HPGDS: variants seen among roughly 807,000 people sequenced by gnomAD.
The protein encoded by HPGDS is GST class-sigma.
A neutral mutation model predicts 23.1 loss-of-function variants in HPGDS; 26 were observed. The observed-to-expected ratio is 1.13, with a 90% CI of 0.83 to 1.56. The LOEUF (loss-of-function observed/expected upper bound fraction) is 1.56. Among genes scored for constraint, HPGDS ranks in the 40% most tolerant of loss-of-function variants. The pLI, the probability that HPGDS is intolerant of heterozygous loss-of-function variation, is 0.00. For synonymous variants in HPGDS, 95 were observed against 77.9 expected, an observed-to-expected ratio of 1.22 and a Z score of -1.16; for missense variants, 268 against 236.4, an observed-to-expected ratio of 1.13 and a Z score of -0.88.
At chr4:94,308,004 T>C (rs1756171068) in intron 4 of HPGDS, among the ~76,000 whole-genome samples, 1 of 152,122 alleles carries the variant, frequency 6.6e-6, no homozygotes. Flanking sequence ...TCCAACATGC[T>C]TGGGAACAGA....
intron 3 of HPGDS, among the ~76,000 whole-genome samples, chr4:94,312,503 A>G (rs1324817231): frequency 6.6e-6 from 1 of 152,142 alleles, no homozygotes; most frequent in Non-Finnish European, 1.5e-5. Context: ...GGTCTGAGAG[A>G]CAGTTTGTTG....
chr4:94,336,504 C>T (rs913399121), intron 1 of HPGDS, among the ~76,000 whole-genome samples: 4 of 152,186 alleles, frequency 2.6e-5, no homozygotes, highest in Non-Finnish European at 4.4e-5. Context: ...CATTCCTGCC[C>T]AGTTTGCATC....
At chr4:94,329,334 C>A (rs771718394) in intron 2 of HPGDS, among the ~76,000 whole-genome samples, 15 of 152,070 alleles carry the variant, frequency 9.9e-5, no homozygotes, top group Non-Finnish European at 1.8e-4. Context: ...CACTTGGAAC[C>A]CTTGCTCAGC....
intron 3 of HPGDS, among the ~76,000 whole-genome samples, chr4:94,310,651 G>C (rs1460795885): frequency 1.3e-5 from 2 of 152,080 alleles, no homozygotes; most frequent in Non-Finnish European, 2.9e-5. Flanking sequence ...CTTTAAAGTA[G>C]TTTTTTTCCA....
At chr4:94,305,303 A>G (rs1756119472) in intron 4 of HPGDS, among the ~76,000 whole-genome samples, 1 of 152,018 alleles carries the variant, frequency 6.6e-6, no homozygotes, top group African/African-American at 2.4e-5. Flanking sequence ...TACTTATGTC[A>G]AAAAGTTGTA....
rs559251330 is a variant in HPGDS at position 94,320,787 on chromosome 4, T to C, written c.134-2822A>G. Among the ~76,000 whole-genome samples the C allele has an allele frequency of 1.1e-4, 16 of 152,340 alleles. No homozygotes were observed. The East Asian group carries it at 2.5e-3, about 24-fold the overall frequency. The stretch of plus-strand genomic sequence containing the variant: ...TTTAATTAGATCCCATTTGTCAATT[T>C]TGGCTTTTGTTGCCATTGCTTTTGG... On this transcript the variant is annotated intron_variant, in intron 2 of 5. Transcript: ENST00000295256.
At chr4:94,339,265 G>A (rs1035689455) in intron 1 of HPGDS, among the ~76,000 whole-genome samples, 2 of 152,126 alleles carry the variant, frequency 1.3e-5, no homozygotes, top group African/African-American at 4.8e-5. Flanking sequence ...TTCCACTGTC[G>A]TTGTGTTAAG....
rs1756195328 is a variant in HPGDS at position 94,308,836 on chromosome 4, CAA to C, written c.227-95_227-94del. The C allele has an allele frequency of 6.2e-5, 39 of 629,988 alleles. No homozygotes were observed. In the South Asian group the frequency reaches 8.3e-4, roughly 13 times the overall value. 39.0% of individuals were successfully genotyped at this position (629,988 alleles called of 1,614,324 possible). On this transcript the variant is annotated intron_variant, in intron 3 of 5. Coordinates refer to ENST00000295256, the MANE Select transcript of HPGDS (RefSeq NM_014485.3). ...TAGTATACTCATATGGTTGAAAATTCAAAGAGTGTAAAACAATATCCAGTGAA... is the reference window on the plus strand; with the variant it reads ...TAGTATACTCATATGGTTGAAAATTCAGAGTGTAAAACAATATCCAGTGAA...
chr4:94,325,230 G>A (rs181344270), intron 2 of HPGDS, among the ~76,000 whole-genome samples: 49 of 152,216 alleles, frequency 3.2e-4, no homozygotes, highest in Admixed American at 2.0e-3. Context: ...TAGGCTACTC[G>A]GGGGTCAGGG....
At chr4:94,330,488 T>C (rs1756715901) in intron 2 of HPGDS, among the ~76,000 whole-genome samples, 1 of 152,158 alleles carries the variant, frequency 6.6e-6, no homozygotes, top group Non-Finnish European at 1.5e-5. Flanking sequence ...TATTTGGTTG[T>C]AAAAGAAGGA....
chr4:94,308,573 AAC>A lies in HPGDS; in HGVS notation c.336+59_336+60del, dbSNP rs1157663773. On this transcript the variant is annotated intron_variant, in intron 4 of 5. Transcript: ENST00000295256. ...TATTAAGGAACTTTCTAAGGCACCT[AAC>A]ACAATGTCTGGCAGGTGGTATATAA... is the stretch of plus-strand genomic sequence containing the variant. 4 of 823,294 alleles carry A rather than the reference AAC, an allele frequency of 4.9e-6. No homozygotes were observed. In the African/African-American group the frequency reaches 6.8e-5, roughly 14 times the overall value. 51.0% of individuals were successfully genotyped at this position (823,294 alleles called of 1,614,324 possible).
chr4:94,313,996 T>G (rs1395645672), intron 3 of HPGDS, among the ~76,000 whole-genome samples: 2 of 152,202 alleles, frequency 1.3e-5, no homozygotes, highest in Admixed American at 1.3e-4. Flanking sequence ...CATCAGGTCC[T>G]TTAAGGACTT....
intron 3 of HPGDS, among the ~76,000 whole-genome samples, chr4:94,309,648 A>G (rs1756219286): frequency 6.6e-6 from 1 of 151,972 alleles, no homozygotes; most frequent in Non-Finnish European, 1.5e-5. Flanking sequence ...TATACCCACT[A>G]ATGGGATGGC....
At chr4:94,303,347 G>C (rs1279777259) in intron 4 of HPGDS, among the ~76,000 whole-genome samples, 1 of 152,014 alleles carries the variant, frequency 6.6e-6, no homozygotes, top group Non-Finnish European at 1.5e-5. Context: ...CTCAGATATC[G>C]GTTCTTGAGA....
chr4:94,314,043 T>A (rs2126038796), intron 3 of HPGDS, among the ~76,000 whole-genome samples: 1 of 152,294 alleles, frequency 6.6e-6, no homozygotes, highest in Non-Finnish European at 1.5e-5. Context: ...ATTCATCTAA[T>A]CTTTTTTCAA....
At chr4:94,331,306 T>G (rs113535508) in intron 2 of HPGDS, among the ~76,000 whole-genome samples, 3,303 of 152,300 alleles carry the variant, frequency 0.022, 110 homozygotes, top group African/African-American at 0.075. Context: ...TTCTCTTATT[T>G]CTCTGAGGAT....
At chr4:94,308,178 T>A (rs1198842754) in intron 4 of HPGDS, among the ~76,000 whole-genome samples, 1 of 152,210 alleles carries the variant, frequency 6.6e-6, no homozygotes, top group African/African-American at 2.4e-5. Context: ...TCAATAATTT[T>A]GCACATTTGC....
At chr4:94,323,664 C>G (rs932977344) in intron 2 of HPGDS, among the ~76,000 whole-genome samples, 1 of 152,034 alleles carries the variant, frequency 6.6e-6, no homozygotes, top group Non-Finnish European at 1.5e-5. Flanking sequence ...TGTCTCTGCA[C>G]TTGAGATGGG....
At chr4:94,324,439 T>G (rs1332336920) in intron 2 of HPGDS, among the ~76,000 whole-genome samples, 2 of 152,234 alleles carry the variant, frequency 1.3e-5, no homozygotes, top group African/African-American at 2.4e-5. Context: ...GCATGTTTCT[T>G]GGAGACTTTG....
Sources: gnomAD v4.1 joint callset for allele counts (sites outside exome capture counted in the v4.1 genomes callset) on GRCh38, gnomAD v4.1.1 for gene constraint, MANE v1.5 for transcripts, NCBI Gene and HGNC (gene_info 2026-07-23, HGNC 2026-07-21) for gene names.